TMEM40: variants seen among roughly 807,000 people sequenced by gnomAD.
The protein encoded by TMEM40 is transmembrane protein 40.
A neutral mutation model predicts 40.8 loss-of-function variants in TMEM40; 34 were observed. The observed-to-expected ratio is 0.83, with a 90% CI of 0.63 to 1.11. The LOEUF is 1.11. TMEM40 is among the 50% of genes least tolerant of loss of function. The pLI, the probability that TMEM40 is intolerant of heterozygous loss-of-function variation, is 0.00. For missense variants in TMEM40, 296 were observed against 280.2 expected (o/e 1.06, Z -0.40); for synonymous variants, 106 against 107.0 (o/e 0.99, Z 0.06).
chr3:12,734,690 G>A lies in TMEM40; in HGVS notation c.*84C>T. On this transcript the variant is annotated 3_prime_UTR_variant, in exon 12 of 12. Transcript: ENST00000314124. ...GGCTTGGTCTCCTGTGCGTCTCTCA[G>A]AATGCTGCTCTGCCCTTGTGGGCTC... 1 of 1,485,916 alleles carries A rather than the reference G, an allele frequency of 6.7e-7. No individual in the cohort carries two copies. Among genetic ancestry groups the A allele is most frequent in the South Asian group, 1.2e-5 (1 of 83,234 alleles). 92.0% of individuals were successfully genotyped at this position (1,485,916 alleles called of 1,614,324 possible). A position where few individuals can be genotyped will look rare whatever the true frequency, so the allele number is the denominator to read the frequency against.
At chr3:12,742,599 CA>C in intron 4 of TMEM40, 92 bp from the exon 5 acceptor site, 1 of 1,464,848 alleles carries the variant, frequency 6.8e-7, no homozygotes, top group Admixed American at 1.7e-5. Flanking sequence ...TAAGAAGTAC[CA>C]CAGTCCTTGT....
At chr3:12,755,396 C>T (rs1260512374) in intron 1 of TMEM40, among the ~76,000 whole-genome samples, 1 of 151,784 alleles carries the variant, frequency 6.6e-6, no homozygotes, top group Non-Finnish European at 1.5e-5. Flanking sequence ...CTGCCTCAGC[C>T]TCCCAAAGTG....
intron 1 of TMEM40, among the ~76,000 whole-genome samples, chr3:12,758,382 C>T (rs903365883): frequency 1.3e-5 from 2 of 152,200 alleles, no homozygotes; most frequent in African/African-American, 4.8e-5. Flanking sequence ...AAGCACAAGA[C>T]CATAATCATT....
Position 12,734,800 on chromosome 3 carries a change from G to T in TMEM40, c.683-7C>A. ...CAGTCAGTCTTCCTGAACCCTGGAAGGCAAAGACCACAGGATGGCATGGGA... is the reference window on the plus strand; with the variant it reads ...CAGTCAGTCTTCCTGAACCCTGGAATGCAAAGACCACAGGATGGCATGGGA... On this transcript the variant is annotated splice_polypyrimidine_tract_variant and splice_region_variant and intron_variant, in intron 11 of 11. Coordinates refer to ENST00000314124, the MANE Select transcript of TMEM40 (RefSeq NM_018306.4). 6.3e-7 allele frequency: 1 copy of T among 1,598,914 alleles called. No individual in the cohort carries two copies. The highest frequency in any genetic ancestry group is 1.3e-5 in the African/African-American group (1 of 74,642).
chr3:12,755,235 CTTTCTTTCTTTCTTTCTTTCTT>C (rs1465117589), intron 1 of TMEM40, among the ~76,000 whole-genome samples: 1 of 52,526 alleles, frequency 1.9e-5, no homozygotes, highest in African/African-American at 8.0e-5. Context: ...CTCTCTCTCT[CTTTCTTTCTTTCTTTCTTTCTT>C]TCTTTCTTTC....
At chr3:12,734,910 A>G in intron 11 of TMEM40, 117 bp from the exon 12 acceptor site, 1 of 1,191,658 alleles carries the variant, frequency 8.4e-7, no homozygotes, top group South Asian at 1.3e-5. Flanking sequence ...GTCACCCCAG[A>G]AGCCATGGGT....
intron 1 of TMEM40, among the ~76,000 whole-genome samples, chr3:12,755,205 T>TTCTC (rs1337585853): frequency 3.6e-5 from 3 of 83,230 alleles, no homozygotes; most frequent in Admixed American, 2.2e-4. Context: ...CTTCCTTTCT[T>TTCTC]TCTTTCTTTC....
intron 1 of TMEM40, among the ~76,000 whole-genome samples, chr3:12,751,569 C>T (rs1393970460): frequency 2.0e-5 from 3 of 152,108 alleles, no homozygotes; most frequent in African/African-American, 4.8e-5. Context: ...TGAGCCACTG[C>T]GCCTGGCCTA....
chr3:12,737,544 G>C, intron 8 of TMEM40, 163 bp downstream of exon 8: 1 of 677,586 alleles, frequency 1.5e-6, no homozygotes, highest in Non-Finnish European at 2.6e-6. Context: ...GGGAACCATT[G>C]TCCCACCCTG....
At position 12,738,583 on chromosome 3, in the gene TMEM40, G is replaced by A. The variant is rs760519202; in HGVS notation, c.361C>T (p.Pro121Ser). The change falls in exon 6 of 12, where the codon CCT (proline) becomes TCT (serine). Residue 121 changes from proline (P) to serine (S), a missense_variant. Pro to Ser is a moderately conservative substitution (Grantham distance 74). Transcript: ENST00000314124. ...KDELQLYGDA[P>S]GEVVPSGESG... is the part of the protein sequence containing the mutation. ...TCCCCAGAGGGTACCACCTCTCCAG[G>A]AGCATCTGCACAGAAAGGAAATCAG... The A allele has an allele frequency of 5.0e-6, 8 of 1,614,010 alleles. No individual in the cohort carries two copies. The highest frequency in any genetic ancestry group is 1.1e-5 in the South Asian group (1 of 91,074).
chr3:12,752,455 C>T (rs982771853), intron 1 of TMEM40, among the ~76,000 whole-genome samples: 3 of 152,130 alleles, frequency 2.0e-5, no homozygotes, highest in South Asian at 2.1e-4. Context: ...TCACTAGGGC[C>T]GTGCCCATTT....
At chr3:12,737,823 G>T in intron 7 of TMEM40, 69 bp from the exon 8 acceptor site, 2 of 1,459,470 alleles carry the variant, frequency 1.4e-6, no homozygotes, top group Non-Finnish European at 1.9e-6. Flanking sequence ...TCTTTTCCCT[G>T]CCTCATTGAG....
At chr3:12,735,507 C>A (rs1397328983) in intron 11 of TMEM40, 48 bp downstream of exon 11, 1 of 1,577,886 alleles carries the variant, frequency 6.3e-7, no homozygotes, top group Non-Finnish European at 8.7e-7. Context: ...TAAATGAAGA[C>A]CCTGCTAGGG....
At chr3:12,750,471 T>A (rs2061466642) in intron 1 of TMEM40, among the ~76,000 whole-genome samples, 1 of 152,206 alleles carries the variant, frequency 6.6e-6, no homozygotes, top group Admixed American at 6.5e-5. Context: ...GGAGCCCATG[T>A]GCTATGAGTC....
intron 8 of TMEM40, 169 bp downstream of exon 8, chr3:12,737,538 A>G (rs983111392): frequency 1.5e-6 from 1 of 658,198 alleles, no homozygotes; most frequent in Non-Finnish European, 2.6e-6. Context: ...CAAAATGGGA[A>G]CCATTGTCCC....
At chr3:12,737,528 C>G (rs950944815) in intron 8 of TMEM40, 179 bp downstream of exon 8, 2 of 639,688 alleles carry the variant, frequency 3.1e-6, no homozygotes, top group Admixed American at 5.8e-5. Flanking sequence ...TTCATATCTG[C>G]AAAATGGGAA....
At chr3:12,760,772 C>T (rs1210937971), upstream of TMEM40, among the ~76,000 whole-genome samples, 8 of 149,562 alleles carry the variant, frequency 5.3e-5, no homozygotes, top group South Asian at 2.1e-4. Context: ...GTCAGGGTCT[C>T]GCTCTGTTGC....
rs200226147 is a variant in TMEM40, at chr3:12,743,955, G to A, written c.246C>T (p.Thr82=). The A allele has an allele frequency of 2.4e-5, 39 of 1,613,276 alleles. No homozygotes were observed. In the East Asian group the frequency reaches 2.9e-4, roughly 12 times the overall value. ...SNDEDQQPRA[T]GKHRRSLGAG... ...CCCCCAGGCTCCGTCGATGTTTTCCGGTTGCTCTGGGTTGCTGGTCCTCAT... is the reference window on the plus strand; with the variant it reads ...CCCCCAGGCTCCGTCGATGTTTTCCAGTTGCTCTGGGTTGCTGGTCCTCAT... The change falls in exon 4 of 12, where the codon ACC becomes ACT. Residue 82 remains threonine (T), a synonymous_variant. Transcript: ENST00000314124.
At chr3:12,758,956 T>C (rs963956553) in intron 1 of TMEM40, among the ~76,000 whole-genome samples, 1 of 152,134 alleles carries the variant, frequency 6.6e-6, no homozygotes, top group East Asian at 1.9e-4. Context: ...TCACCTACCA[T>C]GGCCAAGTAT....
Sources: allele counts gnomAD v4.1 joint callset (sites outside exome capture counted in the v4.1 genomes callset), GRCh38; gene constraint gnomAD v4.1.1; transcripts MANE v1.5; gene names NCBI Gene and HGNC (gene_info 2026-07-23, HGNC 2026-07-21).